KSR2: variants seen among roughly 807,000 people sequenced by gnomAD.
KSR2 encodes the protein kinase suppressor of ras 2.
In KSR2, 25 loss-of-function variants were observed where a neutral mutation model predicts 107.8. The ratio of observed to expected loss-of-function variants is 0.23; its 90% CI spans 0.17 to 0.32. The LOEUF (loss-of-function observed/expected upper bound fraction) is 0.32. KSR2 is among the 10% of genes least tolerant of loss of function. KSR2 has a pLI of 1.00. For synonymous variants in KSR2, 480 were observed against 507.0 expected (o/e 0.95, Z 0.71); for missense variants, 887 against 1,268.9 (o/e 0.70, Z 4.57).
At chr12:117,855,640 G>GCC in intron 2 of KSR2, 62 bp from the exon 3 acceptor site, 1 of 1,538,048 alleles carries the variant, frequency 6.5e-7, no homozygotes. Context: ...CCTCCACGCT[G>GCC]CCCTGTAGTG....
intron 3 of KSR2, among the ~76,000 whole-genome samples, chr12:117,767,891 G>C (rs954484065): frequency 1.3e-5 from 2 of 152,084 alleles, no homozygotes; most frequent in East Asian, 3.9e-4. Context: ...AGAACTAAGG[G>C]CCGGTGTGAC....
chr12:117,880,488 C>T (rs1425348497), intron 1 of KSR2, among the ~76,000 whole-genome samples: 1 of 151,954 alleles, frequency 6.6e-6, no homozygotes, highest in Non-Finnish European at 1.5e-5. Context: ...AAATTTAACT[C>T]TTTCTATTAT....
intron 9 of KSR2, among the ~76,000 whole-genome samples, chr12:117,544,766 T>C (rs903339718): frequency 6.6e-6 from 1 of 152,254 alleles, no homozygotes; most frequent in South Asian, 2.1e-4. Context: ...ACATGGATGA[T>C]GTCATTTGCA....
chr12:117,676,265 C>G (rs1885114338), intron 4 of KSR2, among the ~76,000 whole-genome samples: 1 of 152,170 alleles, frequency 6.6e-6, no homozygotes. Context: ...CATTAATCAA[C>G]CAGCGTCCTG....
chr12:117,524,949 T>C lies in KSR2; in HGVS notation c.2122A>G (p.Lys708Glu). ...TGCCTGTAGGCCATCACCTCCCGCTTGAAGGCCTTGAGCTGGTCCTCGTTG... is the reference window on the plus strand; with the variant it reads ...TGCCTGTAGGCCATCACCTCCCGCTCGAAGGCCTTGAGCTGGTCCTCGTTG... ...RDNEDQLKAF[K>E]REVMAYRQTR... The change falls in exon 14 of 20, where the codon AAG (lysine) becomes GAG (glutamate). Residue 708 changes from lysine to glutamate, a missense_variant. Lys to Glu is a moderately conservative substitution (Grantham distance 56). Around this residue, in one of 8 missense-constraint regions of KSR2, gnomAD observed 308 missense variants for 506.2 expected, o/e 0.61. Coordinates refer to ENST00000339824, the MANE Select transcript of KSR2 (RefSeq NM_173598.6). 1 of 1,613,902 alleles carries C rather than the reference T, an allele frequency of 6.2e-7. No individual in the cohort carries two copies. The highest frequency in any genetic ancestry group is 8.5e-7 in the Non-Finnish European group (1 of 1,179,852).
At chr12:117,805,244 G>A (rs1312179904) in intron 3 of KSR2, among the ~76,000 whole-genome samples, 1 of 152,176 alleles carries the variant, frequency 6.6e-6, no homozygotes, top group Non-Finnish European at 1.5e-5. Flanking sequence ...CCTTTTTAGG[G>A]ACTAACTTGG....
chr12:117,818,777 C>A (rs1159634586), intron 3 of KSR2, among the ~76,000 whole-genome samples: 1 of 152,082 alleles, frequency 6.6e-6, no homozygotes, highest in African/African-American at 2.4e-5. Context: ...TCTTAGTGTT[C>A]CCCAGCTGCA....
Position 117,828,657 on chromosome 12 carries a change from C to A in KSR2, c.472+26771G>T, listed in dbSNP as rs114273152. 6.0e-3 allele frequency among the ~76,000 whole-genome samples: 908 copies of A among 152,328 alleles called. 12 individuals are homozygous for A. The highest frequency in any genetic ancestry group is 0.021 in the African/African-American group (874 of 41,588). ...TGTCCTGAGTTACAAGGGTGGACAG[C>A]ACCCAAGGCCGACTGGTCTGTATCT... On this transcript the variant is annotated intron_variant, in intron 3 of 19. Coordinates refer to ENST00000339824, the MANE Select transcript of KSR2 (RefSeq NM_173598.6).
intron 1 of KSR2, chr12:117,889,390 A>G (rs772051995): frequency 1.3e-5 from 2 of 152,214 alleles, no homozygotes; most frequent in Non-Finnish European, 2.9e-5. Flanking sequence ...CAAGCTCTGC[A>G]GTTACAGAGA....
intron 4 of KSR2, among the ~76,000 whole-genome samples, chr12:117,713,020 GA>G (rs1320753199): frequency 6.7e-6 from 1 of 149,632 alleles, no homozygotes; most frequent in African/African-American, 2.5e-5. Context: ...TATATAGAGA[GA>G]AATATGTATA....
At chr12:117,693,921 C>A (rs570155204) in intron 4 of KSR2, among the ~76,000 whole-genome samples, 1 of 152,318 alleles carries the variant, frequency 6.6e-6, no homozygotes, top group Admixed American at 6.5e-5. Flanking sequence ...TCTGCTCTTG[C>A]CTCTTGAATA....
At chr12:117,746,967 CT>C (rs937748267) in intron 4 of KSR2, among the ~76,000 whole-genome samples, 6 of 152,142 alleles carry the variant, frequency 3.9e-5, no homozygotes, top group Admixed American at 3.9e-4. Context: ...AATAGGAATG[CT>C]TTTACACTGT....
At chr12:117,748,271 G>A (rs960437212) in intron 4 of KSR2, among the ~76,000 whole-genome samples, 1 of 152,126 alleles carries the variant, frequency 6.6e-6, no homozygotes, top group Non-Finnish European at 1.5e-5. Flanking sequence ...ATAGAATGGT[G>A]GTTACCAGGA....
intron 4 of KSR2, among the ~76,000 whole-genome samples, chr12:117,731,073 G>A (rs1386805179): frequency 6.6e-6 from 1 of 151,428 alleles, no homozygotes; most frequent in African/African-American, 2.4e-5. Context: ...GAGCGTCTCT[G>A]CCCGGCCACC....
chr12:117,961,945 G>T (rs1896670580), intron 1 of KSR2, among the ~76,000 whole-genome samples: 1 of 152,048 alleles, frequency 6.6e-6, no homozygotes, highest in African/African-American at 2.4e-5. Context: ...AGGAGTTTAA[G>T]ACCAGCCTGG....
intron 3 of KSR2, among the ~76,000 whole-genome samples, chr12:117,783,997 T>C (rs986590399): frequency 6.6e-6 from 1 of 152,214 alleles, no homozygotes; most frequent in Non-Finnish European, 1.5e-5. Context: ...GCCAATGTTA[T>C]GTGAATAAGG....
intron 5 of KSR2, among the ~76,000 whole-genome samples, chr12:117,606,456 C>CT (rs1881254916): frequency 1.1e-5 from 1 of 93,394 alleles, no homozygotes; most frequent in African/African-American, 4.3e-5. Flanking sequence ...TTCCTCCCTC[C>CT]CTCCCCTCCT....
intron 4 of KSR2, among the ~76,000 whole-genome samples, chr12:117,699,840 A>T (rs1184749484): frequency 6.6e-6 from 1 of 152,128 alleles, no homozygotes; most frequent in Non-Finnish European, 1.5e-5. Context: ...TGACGTCACT[A>T]GGTGATAGGA....
At chr12:117,831,165 CTCTT>C (rs1333090411) in intron 3 of KSR2, among the ~76,000 whole-genome samples, 1 of 152,236 alleles carries the variant, frequency 6.6e-6, no homozygotes, top group East Asian at 1.9e-4. Flanking sequence ...CTTCATTTCA[CTCTT>C]TCTTTCTCTT....
Sources: gnomAD v4.1 joint callset for allele counts (sites outside exome capture counted in the v4.1 genomes callset) on GRCh38, gnomAD v4.1.1 for gene constraint, gnomAD v4.1.1 regional missense constraint, MANE v1.5 for transcripts, NCBI Gene and HGNC (gene_info 2026-07-23, HGNC 2026-07-21) for gene names.